The following ARHGAP15 variants were observed in gnomAD, a reference collection of about 807,000 sequenced individuals.
The protein encoded by ARHGAP15 is Rho GTPase activating protein 15, also known as rho GTPase-activating protein 15.
A neutral mutation model predicts 63.7 loss-of-function variants in ARHGAP15; 51 were observed. The ratio of observed to expected loss-of-function variants is 0.80; its 90% CI spans 0.64 to 1.01. The LOEUF (loss-of-function observed/expected upper bound fraction) is 1.01, where lower values mean the gene tolerates loss of function less well. Ranked by LOEUF, ARHGAP15 falls within the 50% of genes least tolerant of loss-of-function variation. ARHGAP15 has a pLI of 0.00. For synonymous variants in ARHGAP15, 191 were observed against 193.8 expected (o/e 0.99, Z 0.12); for missense variants, 560 against 564.6 (o/e 0.99, Z 0.08).
At chr2:143,595,132 G>C (rs1214366038) in intron 11 of ARHGAP15, among the ~76,000 whole-genome samples, 2 of 152,090 alleles carry the variant, frequency 1.3e-5, no homozygotes, top group Non-Finnish European at 2.9e-5. Flanking sequence ...AATGCAAAAA[G>C]CTAAATTGGT....
At position 143,624,849 on chromosome 2, in the gene ARHGAP15, A is replaced by G. The variant is rs1441308044; in HGVS notation, c.1138+582A>G. 2.0e-5 allele frequency among the ~76,000 whole-genome samples: 3 copies of G among 152,100 alleles called. No homozygotes were observed. The East Asian group carries it at 5.8e-4, about 29-fold the overall frequency. ...TGGTGACTTTATAAGAGAGTGAGTT[A>G]TATCTACTACTAACCAGTAGTCATT... On this transcript the variant is annotated intron_variant, in intron 12 of 13. Transcript: ENST00000295095.
intron 8 of ARHGAP15, among the ~76,000 whole-genome samples, chr2:143,448,537 A>T (rs1690251537): frequency 2.6e-5 from 4 of 152,072 alleles, no homozygotes; most frequent in Admixed American, 2.0e-4. Flanking sequence ...CAGTAGGAAT[A>T]GGTGAAGAAG....
intron 6 of ARHGAP15, among the ~76,000 whole-genome samples, chr2:143,377,553 T>A (rs1686872683): frequency 6.6e-6 from 1 of 152,000 alleles, no homozygotes; most frequent in Non-Finnish European, 1.5e-5. Flanking sequence ...GCTAGTTTTG[T>A]TTCCTATTTT....
rs550986408 is a variant in ARHGAP15 at position 143,666,385 on chromosome 2, T to G, written c.1139-37034T>G. On this transcript the variant is annotated intron_variant, in intron 12 of 13. Transcript: ENST00000295095. ...AGCCATATGTACAAAGCTGAAACTG[T>G]ATCGCTTCCTTACACCTTATACAAA... Among the ~76,000 whole-genome samples, 94 of 152,224 alleles carry G rather than the reference T, an allele frequency of 6.2e-4. 1 individual carries two copies. Among genetic ancestry groups the G allele is most frequent in the African/African-American group, 1.4e-3 (59 of 41,502 alleles).
chr2:143,378,839 G>GT (rs1484795059), intron 6 of ARHGAP15, among the ~76,000 whole-genome samples: 1 of 152,040 alleles, frequency 6.6e-6, no homozygotes, highest in Non-Finnish European at 1.5e-5. Context: ...AGTATTGAAA[G>GT]TTGACTGTAC....
At chr2:143,216,312 A>G in intron 3 of ARHGAP15, 72 bp from the exon 4 acceptor site, 7 of 1,172,840 alleles carry the variant, frequency 6.0e-6, no homozygotes, top group Non-Finnish European at 7.4e-6. Context: ...GACTCTTGAA[A>G]AGCATAGGTT....
chr2:143,168,727 GC>G lies in ARHGAP15; in HGVS notation c.165+13075del. On this transcript the variant is annotated intron_variant, in intron 2 of 13. Coordinates refer to ENST00000295095, the MANE Select transcript of ARHGAP15 (RefSeq NM_018460.4). ...ATCTTATCATAAAGAATCACACAAG[GC>G]CCTTACAATATTATACAAAATTTAA... 2.0e-5 allele frequency among the ~76,000 whole-genome samples: 3 copies of G among 151,986 alleles called. No individual in the cohort carries two copies. In the Middle Eastern group the frequency reaches 0.01, roughly 517 times the overall value.
At chr2:143,437,257 G>T in intron 8 of ARHGAP15, 3 of 476,250 alleles carry the variant, frequency 6.3e-6, no homozygotes, top group Admixed American at 4.1e-5. Flanking sequence ...TTGTTCCAAG[G>T]TCATGGTCTC....
chr2:143,557,711 G>T (rs192190002), intron 11 of ARHGAP15, among the ~76,000 whole-genome samples: 2 of 152,012 alleles, frequency 1.3e-5, no homozygotes, highest in Non-Finnish European at 2.9e-5. Flanking sequence ...GGAAAATTTT[G>T]GGAAGAGTGA....
At chr2:143,509,511 C>T (rs758993634) in intron 9 of ARHGAP15, among the ~76,000 whole-genome samples, 5 of 152,154 alleles carry the variant, frequency 3.3e-5, no homozygotes. Flanking sequence ...GAAGCACTTA[C>T]AGTATATTCT....
intron 6 of ARHGAP15, among the ~76,000 whole-genome samples, chr2:143,415,224 A>G (rs184877665): frequency 2.0e-5 from 3 of 152,194 alleles, no homozygotes; most frequent in Admixed American, 6.5e-5. Context: ...AAAAAAATTG[A>G]TAAAATTGAA....
chr2:143,493,794 T>C (rs1307988581), intron 9 of ARHGAP15, among the ~76,000 whole-genome samples: 1 of 152,204 alleles, frequency 6.6e-6, no homozygotes, highest in African/African-American at 2.4e-5. Context: ...TTCCCTTCTA[T>C]TACTCTTTAA....
At position 143,137,213 on chromosome 2, in the gene ARHGAP15, G is replaced by T. The variant is rs554406604; in HGVS notation, c.-15+7747G>T. Among the ~76,000 whole-genome samples, 6 of 152,054 alleles carry T rather than the reference G, an allele frequency of 3.9e-5. No homozygotes were observed. The East Asian group carries it at 7.7e-4, about 20-fold the overall frequency. On this transcript the variant is annotated intron_variant, in intron 1 of 13. Transcript: ENST00000295095. The stretch of plus-strand genomic sequence containing the variant: ...ATTATTTATTTTTCAGTGTTTAGTG[G>T]CTATTTTCACCTTAGAATGTGTGGT...
chr2:143,178,802 A>T (rs1258305101), intron 2 of ARHGAP15, among the ~76,000 whole-genome samples: 1 of 152,300 alleles, frequency 6.6e-6, no homozygotes, highest in East Asian at 1.9e-4. Context: ...CTGAGCATAC[A>T]TAGTACATGC....
chr2:143,719,831 C>T (rs190813003), intron 13 of ARHGAP15, among the ~76,000 whole-genome samples: 1 of 152,302 alleles, frequency 6.6e-6, no homozygotes, highest in African/African-American at 2.4e-5. Flanking sequence ...CCTGGAGTGG[C>T]AAGCTCTTAA....
At chr2:143,500,696 G>A (rs1266782111) in intron 9 of ARHGAP15, among the ~76,000 whole-genome samples, 1 of 152,126 alleles carries the variant, frequency 6.6e-6, no homozygotes, top group Non-Finnish European at 1.5e-5. Context: ...TAAAATTGCA[G>A]ACTCAAGTTG....
chr2:143,391,484 T>A (rs1687536039), intron 6 of ARHGAP15, among the ~76,000 whole-genome samples: 1 of 152,046 alleles, frequency 6.6e-6, no homozygotes, highest in Non-Finnish European at 1.5e-5. Flanking sequence ...ACAATACAAG[T>A]TTTTATTTTC....
At chr2:143,251,430 T>C (rs1352327078) in intron 6 of ARHGAP15, among the ~76,000 whole-genome samples, 1 of 152,026 alleles carries the variant, frequency 6.6e-6, no homozygotes, top group Admixed American at 6.6e-5. Context: ...ATTCTTCTAC[T>C]CTTAAATGCT....
intron 2 of ARHGAP15, among the ~76,000 whole-genome samples, chr2:143,160,844 G>T (rs2105021561): frequency 6.6e-6 from 1 of 151,990 alleles, no homozygotes; most frequent in East Asian, 2.0e-4. Context: ...TTGCCAAAAG[G>T]TTCAGAAAGT....
Sources: gnomAD v4.1 joint callset for allele counts (sites outside exome capture counted in the v4.1 genomes callset) on GRCh38, gnomAD v4.1.1 for gene constraint, MANE v1.5 for transcripts, NCBI Gene and HGNC (gene_info 2026-07-23, HGNC 2026-07-21) for gene names.